Variants in FBXL7 observed in about 807,000 individuals in gnomAD.
The protein encoded by FBXL7 is F-box/LRR-repeat protein 7.
In FBXL7, 12 loss-of-function variants were observed where a neutral mutation model predicts 38.3. That is an observed-to-expected ratio of 0.31 (90% confidence interval 0.20 to 0.51). The LOEUF (loss-of-function observed/expected upper bound fraction) is 0.51. Among genes scored for constraint, FBXL7 ranks in the 20% least tolerant of loss-of-function variants. The probability of loss-of-function intolerance (pLI) is 0.98; values close to 1 mark genes in which losing one functional copy is unlikely to be tolerated. For synonymous variants in FBXL7, 297 were observed against 300.9 expected, an observed-to-expected ratio of 0.99 and a Z score of 0.13; for missense variants, 567 against 676.4, an observed-to-expected ratio of 0.84 and a Z score of 1.79.
intron 2 of FBXL7, among the ~76,000 whole-genome samples, chr5:15,785,509 A>G (rs553091795): frequency 2.5e-4 from 38 of 152,362 alleles, no homozygotes; most frequent in Admixed American, 1.0e-3. Context: ...GAAGAGGGCA[A>G]TAGTAGGAGA....
chr5:15,793,180 G>A lies in FBXL7; in HGVS notation c.128-134710G>A, dbSNP rs541099431. ...GTCCTGGATCCCCAAGTGAGGAAGT[G>A]TCTTCCTCTCCTAGGGCCGCTGTAC... On this transcript the variant is annotated intron_variant, in intron 2 of 3. Transcript: ENST00000504595. 3.9e-5 allele frequency among the ~76,000 whole-genome samples: 6 copies of A among 152,292 alleles called. No homozygotes were observed. The South Asian group carries it at 1.2e-3, about 32-fold the overall frequency.
intron 2 of FBXL7, among the ~76,000 whole-genome samples, chr5:15,687,487 G>A (rs557452812): frequency 1.6e-4 from 24 of 152,296 alleles, no homozygotes; most frequent in Middle Eastern, 3.4e-3. Context: ...GTGCTAATTC[G>A]AAATGCAGTT....
At chr5:15,655,458 C>T (rs1272656239) in intron 2 of FBXL7, among the ~76,000 whole-genome samples, 1 of 150,804 alleles carries the variant, frequency 6.6e-6, no homozygotes, top group East Asian at 2.0e-4. Flanking sequence ...CTCGTCACTG[C>T]ACTCCAGCCT....
chr5:15,731,492 A>G (rs187673001), intron 2 of FBXL7, among the ~76,000 whole-genome samples: 98 of 152,184 alleles, frequency 6.4e-4, no homozygotes, highest in African/African-American at 2.3e-3. Flanking sequence ...CCCAAAACTC[A>G]TGGGAATTCT....
intron 1 of FBXL7, among the ~76,000 whole-genome samples, chr5:15,609,184 A>G (rs1246645204): frequency 6.6e-6 from 1 of 152,090 alleles, no homozygotes; most frequent in South Asian, 2.1e-4. Context: ...TGTGCTACTC[A>G]CTGGGCTGCC....
Position 15,937,344 on chromosome 5 carries a change from G to A in FBXL7, c.*158G>A. On this transcript the variant is annotated 3_prime_UTR_variant, in exon 4 of 4. Coordinates refer to ENST00000504595, the MANE Select transcript of FBXL7 (RefSeq NM_012304.5). Reference sequence around the variant, plus strand: ...CTTTATTTTTCCTCATTTCTCATGGGCAACAGAGGCCAAAGAAACGAAGCA... The same window carrying A: ...CTTTATTTTTCCTCATTTCTCATGGACAACAGAGGCCAAAGAAACGAAGCA... The A allele has an allele frequency of 1.1e-6, 1 of 911,638 alleles. No individual in the cohort carries two copies. Among genetic ancestry groups the A allele is most frequent in the Non-Finnish European group, 1.6e-6 (1 of 627,128 alleles). 56.5% of individuals were successfully genotyped at this position (911,638 alleles called of 1,614,324 possible).
intron 2 of FBXL7, among the ~76,000 whole-genome samples, chr5:15,834,363 T>C (rs1467636150): frequency 6.6e-6 from 1 of 152,252 alleles, no homozygotes; most frequent in Non-Finnish European, 1.5e-5. Flanking sequence ...CCAAATTTTT[T>C]TCTTCTCTGC....
At chr5:15,821,392 T>C (rs1430723174) in intron 2 of FBXL7, among the ~76,000 whole-genome samples, 1 of 152,196 alleles carries the variant, frequency 6.6e-6, no homozygotes, top group South Asian at 2.1e-4. Context: ...CTTAGGTTGC[T>C]GTAACATGAC....
At chr5:15,762,903 T>C (rs764880062) in intron 2 of FBXL7, among the ~76,000 whole-genome samples, 1 of 152,258 alleles carries the variant, frequency 6.6e-6, no homozygotes, top group Non-Finnish European at 1.5e-5. Context: ...TATTGCTTTA[T>C]GCTGATATAC....
intron 2 of FBXL7, among the ~76,000 whole-genome samples, chr5:15,655,258 G>A (rs369345763): frequency 6.6e-6 from 1 of 152,196 alleles, no homozygotes; most frequent in Non-Finnish European, 1.5e-5. Context: ...TACTTTGAGA[G>A]GCCGTGGCGG....
intron 1 of FBXL7, among the ~76,000 whole-genome samples, chr5:15,514,547 G>A (rs781198878): frequency 6.6e-6 from 1 of 152,188 alleles, no homozygotes; most frequent in Non-Finnish European, 1.5e-5. Context: ...AAACAGCTTT[G>A]CTAAGGTCAT....
chr5:15,722,331 G>A (rs1318394354), intron 2 of FBXL7, among the ~76,000 whole-genome samples: 2 of 151,996 alleles, frequency 1.3e-5, no homozygotes, highest in Non-Finnish European at 2.9e-5. Flanking sequence ...ATTCCTATCC[G>A]GCCACCTATA....
At position 15,620,154 on chromosome 5, in the gene FBXL7, AAG is replaced by A. The variant is rs1740579829; in HGVS notation, c.127+4085_127+4086del. Among the ~76,000 whole-genome samples the A allele has an allele frequency of 2.6e-5, 4 of 152,200 alleles. 1 individual carries two copies. The South Asian group carries it at 8.3e-4, about 32-fold the overall frequency. On this transcript the variant is annotated intron_variant, in intron 2 of 3. Transcript: ENST00000504595. Reference sequence around the variant, plus strand: ...AAAGCATTGAATTGTATGCTTAAAAAAGAGTGTTGGGGCAGCTACCACTTCTG... The same window carrying A: ...AAAGCATTGAATTGTATGCTTAAAAAAGTGTTGGGGCAGCTACCACTTCTG...
At chr5:15,793,333 G>A (rs531875980) in intron 2 of FBXL7, among the ~76,000 whole-genome samples, 1 of 152,154 alleles carries the variant, frequency 6.6e-6, no homozygotes, top group Non-Finnish European at 1.5e-5. Flanking sequence ...AGACTCCCTC[G>A]CATCTCCCAG....
intron 2 of FBXL7, among the ~76,000 whole-genome samples, chr5:15,639,024 G>T (rs571702819): frequency 1.3e-5 from 2 of 152,276 alleles, no homozygotes; most frequent in Non-Finnish European, 1.5e-5. Context: ...CCTTCAGTGC[G>T]ATCTTCTCAG....
chr5:15,712,721 A>T (rs13173953), intron 2 of FBXL7, among the ~76,000 whole-genome samples: 82,058 of 151,640 alleles, frequency 0.54, 22,347 homozygotes, highest in East Asian at 0.68. Flanking sequence ...AAAGGAAAAA[A>T]GGAAGGAAGG....
At chr5:15,854,179 C>T (rs1343656051) in intron 2 of FBXL7, among the ~76,000 whole-genome samples, 3 of 152,134 alleles carry the variant, frequency 2.0e-5, no homozygotes, top group Non-Finnish European at 4.4e-5. Context: ...ATATAATAAA[C>T]AACCATCTGT....
intron 2 of FBXL7, among the ~76,000 whole-genome samples, chr5:15,677,697 A>C (rs1185126894): frequency 6.6e-6 from 1 of 152,166 alleles, no homozygotes; most frequent in Non-Finnish European, 1.5e-5. Flanking sequence ...CAGAGTCAGA[A>C]ACAAAGTTTT....
intron 2 of FBXL7, among the ~76,000 whole-genome samples, chr5:15,663,099 C>T (rs1367028774): frequency 3.3e-5 from 5 of 152,174 alleles, no homozygotes; most frequent in Non-Finnish European, 5.9e-5. Flanking sequence ...GCTGCATGGC[C>T]ATTTTAATGA....
Sources: gnomAD v4.1 joint callset for allele counts (sites outside exome capture counted in the v4.1 genomes callset) on GRCh38, gnomAD v4.1.1 for gene constraint, MANE v1.5 for transcripts, NCBI Gene and HGNC (gene_info 2026-07-23, HGNC 2026-07-21) for gene names.